SLC39A12: variants seen among roughly 807,000 people sequenced by gnomAD.
SLC39A12 encodes solute carrier family 39 member 12.
SLC39A12 carries 63 observed loss-of-function variants against 71.1 expected under a neutral mutation model. The ratio of observed to expected loss-of-function variants is 0.89; its 90% CI spans 0.72 to 1.09. The LOEUF is 1.09. Ranked by LOEUF, SLC39A12 falls within the 50% of genes least tolerant of loss-of-function variation. SLC39A12 has a pLI of 0.00. For missense variants in SLC39A12, 892 were observed against 812.6 expected (o/e 1.10, Z -1.19); for synonymous variants, 351 against 301.3 (o/e 1.16, Z -1.71).
At chr10:18,002,924 C>T in intron 11 of SLC39A12, 1 of 399,906 alleles carries the variant, frequency 2.5e-6, no homozygotes, top group Non-Finnish European at 4.5e-6. Context: ...TCACAGACCT[C>T]TCTGTAGATA....
intron 6 of SLC39A12, among the ~76,000 whole-genome samples, chr10:17,983,425 C>T (rs1188485349): frequency 1.3e-5 from 2 of 151,932 alleles, no homozygotes; most frequent in Non-Finnish European, 2.9e-5. Context: ...CAGTTCAAGG[C>T]TGTAGTGAGC....
At chr10:18,036,514 C>T (rs1346122791) in intron 12 of SLC39A12, among the ~76,000 whole-genome samples, 4 of 151,976 alleles carry the variant, frequency 2.6e-5, no homozygotes, top group African/African-American at 9.6e-5. Context: ...GGCTCACGCA[C>T]GGTGCGCGCA....
At chr10:17,971,571 A>T (rs1026476027) in intron 4 of SLC39A12, among the ~76,000 whole-genome samples, 1 of 151,674 alleles carries the variant, frequency 6.6e-6, no homozygotes, top group Non-Finnish European at 1.5e-5. Context: ...GGTAGGTTGT[A>T]TGTGTCTAGG....
rs782578067 is a variant in SLC39A12, at chr10:17,961,740, A to G, written c.421A>G (p.Lys141Glu). Residue 141 changes from lysine (K) to glutamate (E), a missense_variant, in exon 3 of 13, where the codon AAA becomes GAA. Physicochemically the swap from Lys to Glu is moderately conservative, Grantham distance 56. Coordinates refer to ENST00000377369, the MANE Select transcript of SLC39A12 (RefSeq NM_001145195.2). ...GCTCAACATGAGTAATAAAGAGTAT[A>G]AATTTTACCTACACAGCCTACTGAG... Reference protein sequence around the residue: ...SKLNMSNKEYKFYLHSLLSLR... With the variant: ...SKLNMSNKEYEFYLHSLLSLR... The G allele has an allele frequency of 4.8e-5, 78 of 1,613,988 alleles. No individual in the cohort carries two copies. The highest frequency in any genetic ancestry group is 4.5e-4 in the Admixed American group (27 of 59,994).
At chr10:18,030,133 T>A (rs987790319) in intron 12 of SLC39A12, among the ~76,000 whole-genome samples, 13 of 152,100 alleles carry the variant, frequency 8.5e-5, no homozygotes, top group Admixed American at 7.2e-4. Flanking sequence ...CATGTGAACA[T>A]GGAAAGTTCA....
At chr10:18,041,689 A>G (rs1416573720) in intron 12 of SLC39A12, among the ~76,000 whole-genome samples, 5 of 116,740 alleles carry the variant, frequency 4.3e-5, no homozygotes, top group Non-Finnish European at 8.9e-5. Context: ...ATACATATGT[A>G]TATATGTGTA....
intron 6 of SLC39A12, among the ~76,000 whole-genome samples, chr10:17,983,376 T>C (rs1835317248): frequency 6.6e-6 from 1 of 151,918 alleles, no homozygotes; most frequent in Non-Finnish European, 1.5e-5. Context: ...TGGTCTCAGA[T>C]ACTTGGGGGG....
chr10:18,023,324 G>T (rs1836586823), intron 12 of SLC39A12, among the ~76,000 whole-genome samples: 1 of 151,990 alleles, frequency 6.6e-6, no homozygotes, highest in Non-Finnish European at 1.5e-5. Flanking sequence ...AGGGATGTCA[G>T]AGGGTTCATG....
intron 12 of SLC39A12, among the ~76,000 whole-genome samples, chr10:18,006,481 G>A (rs1200386771): frequency 6.6e-6 from 1 of 152,188 alleles, no homozygotes; most frequent in Non-Finnish European, 1.5e-5. Context: ...TTCCTTCAAA[G>A]CAGCTGGGAA....
chr10:17,969,174 C>T (rs969753645), intron 4 of SLC39A12, among the ~76,000 whole-genome samples: 1 of 152,104 alleles, frequency 6.6e-6, no homozygotes, highest in Non-Finnish European at 1.5e-5. Context: ...ACCACATTTT[C>T]TTTATCCATT....
Position 17,986,897 on chromosome 10 carries a change from C to T in SLC39A12, c.1097-582C>T, listed in dbSNP as rs537833168. On this transcript the variant is annotated intron_variant, in intron 6 of 12. Coordinates refer to ENST00000377369, the MANE Select transcript of SLC39A12 (RefSeq NM_001145195.2). ...GCACCTGCCCGTAGTCCCAGCTGCT[C>T]GAGGGTCTGATGTGGGAAGATCACT... Among the ~76,000 whole-genome samples, 9 of 152,130 alleles carry T rather than the reference C, an allele frequency of 5.9e-5. No individual in the cohort carries two copies. The South Asian group carries it at 6.2e-4, about 11-fold the overall frequency.
Position 17,953,404 on chromosome 10 carries a change from C to T in SLC39A12, c.128C>T (p.Pro43Leu), listed in dbSNP as rs142948678. Residue 43 changes from proline (P) to leucine (L), a missense_variant, in exon 2 of 13, where the codon CCG becomes CTG. Coordinates refer to ENST00000377369, the MANE Select transcript of SLC39A12 (RefSeq NM_001145195.2). ...AGAAGCCGTGGGAGTTCAGGCCAAC[C>T]GGCAGACCTGCTACAGGTTCTCTCT... Reference protein sequence around the residue: ...DSRSRGSSGQPADLLQVLSAG... With the variant: ...DSRSRGSSGQLADLLQVLSAG... 5.6e-6 allele frequency: 9 copies of T among 1,614,036 alleles called. No homozygotes were observed. The highest frequency in any genetic ancestry group is 2.7e-5 in the African/African-American group (2 of 74,918).
intron 4 of SLC39A12, among the ~76,000 whole-genome samples, chr10:17,966,292 C>A (rs1489887622): frequency 1.3e-5 from 2 of 152,170 alleles, no homozygotes; most frequent in Non-Finnish European, 2.9e-5. Flanking sequence ...CACCAAAATG[C>A]CCCTGAGATG....
Position 17,953,071 on chromosome 10 carries a change from A to AC in SLC39A12, c.-86-115dup, listed in dbSNP as rs201393206. The AC allele has an allele frequency of 5.5e-3, 3,399 of 617,432 alleles. 81 individuals carry two copies. In the African/African-American group the frequency reaches 0.057, roughly 10 times the overall value. 38.2% of individuals were successfully genotyped at this position (617,432 alleles called of 1,614,324 possible). A position where few individuals can be genotyped will look rare whatever the true frequency, so the allele number is the denominator to read the frequency against. Reference sequence around the variant, plus strand: ...ATTTGGGGTTAGAAATTACCTACAGACCCCCGCTGTGTAGAAACAGCTTGT... The same window carrying AC: ...ATTTGGGGTTAGAAATTACCTACAGACCCCCCGCTGTGTAGAAACAGCTTGT... On this transcript the variant is annotated intron_variant, in intron 1 of 12. Transcript: ENST00000377369.
chr10:18,033,170 G>C (rs2130895166), intron 12 of SLC39A12, among the ~76,000 whole-genome samples: 2 of 139,352 alleles, frequency 1.4e-5, no homozygotes, highest in African/African-American at 5.4e-5. Context: ...CTCATAAAAT[G>C]AGTTAGGGAG....
At position 18,003,170 on chromosome 10, in the gene SLC39A12, G is replaced by A; in HGVS notation, c.1760-1G>A. The A allele has an allele frequency of 6.2e-7, 1 of 1,610,964 alleles. No homozygotes were observed. ...TATTTTCCTTTCCTCTTAAACTTCAGGAGACTTTGCCGTGCTCTTAAGCTC... is the reference window on the plus strand; with the variant it reads ...TATTTTCCTTTCCTCTTAAACTTCAAGAGACTTTGCCGTGCTCTTAAGCTC... On this transcript the variant is annotated splice_acceptor_variant, in intron 11 of 12. Transcript: ENST00000377369. LOFTEE classifies it high-confidence loss of function.
At chr10:18,036,889 C>T (rs113762238) in intron 12 of SLC39A12, among the ~76,000 whole-genome samples, 13,556 of 148,176 alleles carry the variant, frequency 0.091, 994 homozygotes, top group East Asian at 0.2. Context: ...CAGGTTTAAA[C>T]GATTCTCTTG....
chr10:18,028,565 C>G (rs1221552859), intron 12 of SLC39A12, among the ~76,000 whole-genome samples: 1 of 152,128 alleles, frequency 6.6e-6, no homozygotes, highest in Non-Finnish European at 1.5e-5. Context: ...CAGGTCCTCC[C>G]TAGTATACAG....
At chr10:17,981,839 C>G (rs1835268231) in intron 6 of SLC39A12, among the ~76,000 whole-genome samples, 1 of 152,126 alleles carries the variant, frequency 6.6e-6, no homozygotes, top group South Asian at 2.1e-4. Flanking sequence ...TTAATTATGT[C>G]TTCTATAGTT....
Sources: allele counts gnomAD v4.1 joint callset (sites outside exome capture counted in the v4.1 genomes callset), GRCh38; gene constraint gnomAD v4.1.1; transcripts MANE v1.5; gene names NCBI Gene and HGNC (gene_info 2026-07-23, HGNC 2026-07-21).